GHR: variants seen among roughly 807,000 people sequenced by gnomAD.
GHR encodes growth hormone receptor.
A neutral mutation model predicts 67.1 loss-of-function variants in GHR; 35 were observed. The observed-to-expected ratio is 0.52, with a 90% CI of 0.40 to 0.69. The LOEUF (loss-of-function observed/expected upper bound fraction) is 0.69, where lower values mean the gene tolerates loss of function less well. GHR is among the 30% of genes least tolerant of loss of function. The pLI, the probability that GHR is intolerant of heterozygous loss-of-function variation, is 0.00. For synonymous variants in GHR, 272 were observed against 269.1 expected (o/e 1.01, Z -0.10); for missense variants, 792 against 764.6 (o/e 1.04, Z -0.42).
chr5:42,560,425 C>T (rs947005739), intron 1 of GHR, among the ~76,000 whole-genome samples: 2 of 152,208 alleles, frequency 1.3e-5, no homozygotes, highest in African/African-American at 4.8e-5. Context: ...ATCTCTTGAC[C>T]TTGTGATCCA....
chr5:42,542,978 TG>T (rs1308979376), intron 1 of GHR, among the ~76,000 whole-genome samples: 1 of 152,204 alleles, frequency 6.6e-6, no homozygotes, highest in Non-Finnish European at 1.5e-5. Context: ...TTCTTTTTTA[TG>T]GCTGAGTAGT....
intron 1 of GHR, among the ~76,000 whole-genome samples, chr5:42,476,609 G>C (rs1745334204): frequency 6.6e-6 from 1 of 152,204 alleles, no homozygotes; most frequent in Admixed American, 6.5e-5. Context: ...TGACTGAAGA[G>C]AGAAATTGTT....
chr5:42,699,260 T>C (rs1185912916), intron 5 of GHR, among the ~76,000 whole-genome samples: 1 of 152,112 alleles, frequency 6.6e-6, no homozygotes, highest in Non-Finnish European at 1.5e-5. Context: ...CGGTGAGATA[T>C]GGTTGGATTC....
chr5:42,642,398 A>C (rs1419674339), intron 3 of GHR, among the ~76,000 whole-genome samples: 1 of 152,126 alleles, frequency 6.6e-6, no homozygotes, highest in Middle Eastern at 3.2e-3. Context: ...GCATAACACA[A>C]AAATATTTTC....
At chr5:42,713,341 T>A (rs937000729) in intron 7 of GHR, 88 bp from the exon 8 acceptor site, 1 of 746,070 alleles carries the variant, frequency 1.3e-6, no homozygotes, top group South Asian at 1.4e-5. Flanking sequence ...ATACAAATTA[T>A]GAATTTTTTG....
At chr5:42,467,871 C>T in intron 1 of GHR, 1 of 888,044 alleles carries the variant, frequency 1.1e-6, no homozygotes. Flanking sequence ...TATTTTCCCA[C>T]AGATTTCTTA....
Position 42,699,978 on chromosome 5 carries a change from A to G in GHR, c.594A>G (p.Glu198=), listed in dbSNP as rs121909360. ...TGGAGTATGAACTTCAATACAAAGA[A>G]GTAAATGAAACTAAATGGAAAATGG... ...MVLEYELQYK[E]VNETKWKMMD... is the part of the protein sequence containing the mutation. The change falls in exon 6 of 10, where the codon GAA becomes GAG. Residue 198 remains glutamate, a synonymous_variant. Transcript: ENST00000230882. 3.7e-6 allele frequency: 6 copies of G among 1,602,070 alleles called. No individual in the cohort carries two copies. In the Admixed American group the frequency reaches 6.7e-5, roughly 18 times the overall value.
At chr5:42,538,399 C>A (rs1016987792) in intron 1 of GHR, among the ~76,000 whole-genome samples, 1 of 152,120 alleles carries the variant, frequency 6.6e-6, no homozygotes, top group African/African-American at 2.4e-5. Flanking sequence ...AGCATTTGTT[C>A]GTCTGAAAAT....
At chr5:42,696,611 G>C (rs1446668665) in intron 5 of GHR, among the ~76,000 whole-genome samples, 1 of 152,096 alleles carries the variant, frequency 6.6e-6, no homozygotes, top group Admixed American at 6.5e-5. Context: ...CATGTTCAGG[G>C]ACTCAGGAGC....
intron 3 of GHR, among the ~76,000 whole-genome samples, chr5:42,651,760 A>G (rs971184060): frequency 6.6e-6 from 1 of 152,176 alleles, no homozygotes; most frequent in Non-Finnish European, 1.5e-5. Context: ...CTTCAGTGTT[A>G]TATCCCAATA....
At chr5:42,506,696 T>C (rs551203725) in intron 1 of GHR, among the ~76,000 whole-genome samples, 1 of 152,344 alleles carries the variant, frequency 6.6e-6, no homozygotes, top group Admixed American at 6.5e-5. Context: ...GTTTATTTGA[T>C]GTCGACATCA....
chr5:42,581,958 G>T (rs1390166275), intron 2 of GHR, among the ~76,000 whole-genome samples: 1 of 152,230 alleles, frequency 6.6e-6, no homozygotes. Context: ...CACCCGCTCC[G>T]GGGTGAAGCA....
At chr5:42,643,270 T>C (rs1429350570) in intron 3 of GHR, among the ~76,000 whole-genome samples, 2 of 152,180 alleles carry the variant, frequency 1.3e-5, no homozygotes, top group Non-Finnish European at 2.9e-5. Flanking sequence ...ATAGGCTTCT[T>C]TATTGCAGAA....
intron 1 of GHR, among the ~76,000 whole-genome samples, chr5:42,493,110 C>T (rs554152041): frequency 2.6e-5 from 4 of 152,150 alleles, no homozygotes; most frequent in South Asian, 2.1e-4. Flanking sequence ...CAAAGGGTTA[C>T]GCCTCGCAGT....
chr5:42,689,176 C>A (rs1219227535), intron 4 of GHR, among the ~76,000 whole-genome samples, 157 bp downstream of exon 4: 1 of 152,056 alleles, frequency 6.6e-6, no homozygotes, highest in Non-Finnish European at 1.5e-5. Flanking sequence ...TTAATCAAGC[C>A]CATCCTATGT....
chr5:42,430,390 G>A (rs1454815172), intron 1 of GHR, among the ~76,000 whole-genome samples: 2 of 152,114 alleles, frequency 1.3e-5, no homozygotes, highest in Non-Finnish European at 2.9e-5. Context: ...ATATATGTTG[G>A]ATGATGAAGA....
intron 3 of GHR, among the ~76,000 whole-genome samples, chr5:42,672,878 T>G (rs1358326652): frequency 2.6e-5 from 4 of 152,126 alleles, no homozygotes; most frequent in Non-Finnish European, 5.9e-5. Flanking sequence ...AATTTATGAC[T>G]GAGTTCTCAA....
chr5:42,627,477 C>T (rs551887811), intron 2 of GHR, among the ~76,000 whole-genome samples: 2 of 152,254 alleles, frequency 1.3e-5, no homozygotes, highest in East Asian at 3.9e-4. Flanking sequence ...GAAAATGATG[C>T]CATAACAGGT....
chr5:42,546,090 G>C (rs879726047), intron 1 of GHR, among the ~76,000 whole-genome samples: 1 of 152,160 alleles, frequency 6.6e-6, no homozygotes, highest in Non-Finnish European at 1.5e-5. Context: ...AGAATGCCAT[G>C]TGTTCAGGTA....
Sources: gnomAD v4.1 joint callset for allele counts (sites outside exome capture counted in the v4.1 genomes callset) on GRCh38, gnomAD v4.1.1 for gene constraint, MANE v1.5 for transcripts, NCBI Gene and HGNC (gene_info 2026-07-23, HGNC 2026-07-21) for gene names.